The following ASAH1 variants were observed in gnomAD, a reference collection of about 807,000 sequenced individuals.
The protein encoded by ASAH1 is N-acylsphingosine amidohydrolase 1.
ASAH1 carries 70 observed loss-of-function variants against 59.5 expected under a neutral mutation model. The observed-to-expected ratio is 1.18, with a 90% CI of 0.97 to 1.43. ASAH1 has a LOEUF of 1.43. Among genes scored for constraint, ASAH1 ranks in the 40% most tolerant of loss-of-function variants. The pLI, the probability that ASAH1 is intolerant of heterozygous loss-of-function variation, is 0.00. For missense variants in ASAH1, 660 were observed against 482.5 expected (o/e 1.37, Z -3.45); for synonymous variants, 213 against 166.5 (o/e 1.28, Z -2.15).
chr8:18,073,273 G>C (rs1564548461), intron 2 of ASAH1: 1 of 1,578,450 alleles, frequency 6.3e-7, no homozygotes, highest in Non-Finnish European at 8.7e-7. Context: ...CAGCAGGGAA[G>C]ACACTATATG....
At chr8:18,065,851 A>G (rs1027779266) in intron 5 of ASAH1, 1 of 151,848 alleles carries the variant, frequency 6.6e-6, no homozygotes, top group Non-Finnish European at 1.5e-5. Flanking sequence ...CAACATATAT[A>G]CAATCACCTG....
chr8:18,077,322 G>GTTTTGT (rs1800446231), intron 1 of ASAH1, among the ~76,000 whole-genome samples: 1 of 152,180 alleles, frequency 6.6e-6, no homozygotes, highest in African/African-American at 2.4e-5. Flanking sequence ...ATGTTCACAA[G>GTTTTGT]TTTTGTGAAT....
At chr8:18,082,713 A>AC (rs1800706180) in intron 1 of ASAH1, 1 of 152,108 alleles carries the variant, frequency 6.6e-6, no homozygotes, top group Non-Finnish European at 1.5e-5. Flanking sequence ...TCTATAACCT[A>AC]CCGTCCGTCG....
chr8:18,064,197 G>A (rs1039954681), intron 6 of ASAH1: 1 of 576,718 alleles, frequency 1.7e-6, no homozygotes, highest in Non-Finnish European at 3.1e-6. Context: ...CTATGAGGAA[G>A]AGAAGAATGT....
intron 13 of ASAH1, chr8:18,057,902 C>T: frequency 5.7e-6 from 1 of 175,564 alleles, no homozygotes; most frequent in Non-Finnish European, 1.2e-5. Flanking sequence ...GAAAGAATCT[C>T]CAGCTCCTTA....
upstream of ASAH1, chr8:18,084,627 TGA>T: frequency 2.5e-6 from 4 of 1,609,380 alleles, no homozygotes; most frequent in Non-Finnish European, 3.4e-6. Context: ...GGCCGAGGAG[TGA>T]GAGAGAATCG....
chr8:18,062,603 A>C, intron 7 of ASAH1, 180 bp from the exon 8 acceptor site: 1 of 684,686 alleles, frequency 1.5e-6, no homozygotes, highest in Middle Eastern at 4.1e-4. Context: ...ATTGAGGTTC[A>C]GAGAAGTCAG....
chr8:18,058,220 G>A (rs889887945), intron 13 of ASAH1: 2 of 153,690 alleles, frequency 1.3e-5, no homozygotes, highest in African/African-American at 4.8e-5. Context: ...GAGAGCCAGG[G>A]TGACCTGGAT....
At chr8:18,061,538 A>G in intron 9 of ASAH1, 80 bp from the exon 10 acceptor site, 1 of 1,444,490 alleles carries the variant, frequency 6.9e-7, no homozygotes, top group Middle Eastern at 1.7e-4. Context: ...AGGCTGGACT[A>G]TATAACCAGT....
chr8:18,064,171 G>A (rs1247702964), intron 6 of ASAH1: 1 of 554,334 alleles, frequency 1.8e-6, no homozygotes, highest in Non-Finnish European at 3.2e-6. Flanking sequence ...AAAGCATGTA[G>A]ATGGGTAGAA....
upstream of ASAH1, chr8:18,084,246 A>G: frequency 2.0e-6 from 3 of 1,465,490 alleles, no homozygotes; most frequent in East Asian, 2.5e-5. Context: ...AGTGCCACGA[A>G]AAGGGTGGCG....
chr8:18,069,682 T>G, intron 4 of ASAH1, 110 bp downstream of exon 4: 1 of 752,634 alleles, frequency 1.3e-6, no homozygotes, highest in Non-Finnish European at 2.3e-6. Context: ...GCTAGATTCA[T>G]GCAGATTTGC....
intron 3 of ASAH1, among the ~76,000 whole-genome samples, chr8:18,070,514 T>C (rs57359921): frequency 0.43 from 64,999 of 151,360 alleles, 14,771 homozygotes; most frequent in Admixed American, 0.53. Flanking sequence ...GAACTTCTGA[T>C]CTCAGGTGAT....
chr8:18,076,848 A>G (rs547346470), intron 1 of ASAH1, among the ~76,000 whole-genome samples: 8 of 152,350 alleles, frequency 5.3e-5, no homozygotes, highest in African/African-American at 1.4e-4. Context: ...GGGAATATAT[A>G]AAGTAGGTTG....
At chr8:18,059,228 T>G (rs962793852) in intron 12 of ASAH1, 113 bp downstream of exon 12, 2 of 1,525,180 alleles carry the variant, frequency 1.3e-6, no homozygotes, top group African/African-American at 2.7e-5. Context: ...TGGCTAGAGA[T>G]ACTATGAAAA....
Position 18,057,579 on chromosome 8 carries a change from G to A in ASAH1, c.1143C>T (p.Phe381=), listed in dbSNP as rs375983141. ...CAGGGCAGTCCCGCAGGTAAGTTTC[G>A]AATTGACCTTTGGTAACATCTATCA... ...TTLIDVTKGQ[F]ETYLRDCPDP... is the part of the protein sequence containing the mutation. Residue 381 remains phenylalanine, a synonymous_variant, in exon 14 of 14, where the codon TTC becomes TTT. Transcript: ENST00000637790. 1.2e-5 allele frequency: 20 copies of A among 1,604,828 alleles called. No individual in the cohort carries two copies. The highest frequency in any genetic ancestry group is 4.4e-5 in the South Asian group (4 of 90,940).
chr8:18,061,882 T>G, intron 8 of ASAH1, 142 bp from the exon 9 acceptor site: 1 of 849,970 alleles, frequency 1.2e-6, no homozygotes, highest in Non-Finnish European at 1.9e-6. Flanking sequence ...CATAAAAGGC[T>G]TTTTAAAAAG....
At chr8:18,068,464 C>T (rs1247686153) in intron 4 of ASAH1, 2 of 152,176 alleles carry the variant, frequency 1.3e-5, no homozygotes, top group Non-Finnish European at 2.9e-5. Flanking sequence ...GAAACAAAAG[C>T]TCCGAGAGCA....
At chr8:18,072,827 C>T (rs1406394956) in intron 2 of ASAH1, among the ~76,000 whole-genome samples, 2 of 152,148 alleles carry the variant, frequency 1.3e-5, no homozygotes, top group Admixed American at 1.3e-4. Flanking sequence ...GCAAAGATAA[C>T]TCAGTGGCCT....
Sources: gnomAD v4.1 joint callset for allele counts (sites outside exome capture counted in the v4.1 genomes callset) on GRCh38, gnomAD v4.1.1 for gene constraint, MANE v1.5 for transcripts, NCBI Gene and HGNC (gene_info 2026-07-23, HGNC 2026-07-21) for gene names.